KIF14: variants seen among roughly 807,000 people sequenced by gnomAD.
KIF14 encodes kinesin family member 14.
KIF14 carries 98 observed loss-of-function variants against 176.2 expected under a neutral mutation model. The observed-to-expected ratio is 0.56, with a 90% CI of 0.47 to 0.66. KIF14 has a LOEUF of 0.66. Among genes scored for constraint, KIF14 ranks in the 30% least tolerant of loss-of-function variants. The pLI is 0.00. For missense variants in KIF14, 1,751 were observed against 1,920.4 expected (o/e 0.91, Z 1.65); for synonymous variants, 566 against 632.2 (o/e 0.90, Z 1.57).
Position 200,620,533 on chromosome 1 carries a change from G to GA in KIF14, c.-239_-238insT, listed in dbSNP as rs1660632068. ...GCGCCCTTCGTTCGGGGACCCCTTC[G>GA]CCGCCGACCTGGAATGCTGAGGAAC... On this transcript the variant is annotated 5_prime_UTR_variant, in exon 1 of 30. Coordinates refer to ENST00000367350, the MANE Select transcript of KIF14 (RefSeq NM_014875.3). 1 of 152,316 alleles carries GA rather than the reference G, an allele frequency of 6.6e-6. No individual in the cohort carries two copies. The highest frequency in any genetic ancestry group is 2.4e-5 in the African/African-American group (1 of 41,458). 9.4% of individuals were successfully genotyped at this position (152,316 alleles called of 1,614,324 possible). A position where few individuals can be genotyped will look rare whatever the true frequency, so the allele number is the denominator to read the frequency against.
At position 200,553,553 on chromosome 1, in the gene KIF14, C is replaced by G. The variant is rs764577786; in HGVS notation, c.4782G>C (p.Trp1594Cys). 183 of 1,613,764 alleles carry G rather than the reference C, an allele frequency of 1.1e-4. 3 individuals are homozygous for G. The South Asian group carries it at 2.0e-3, about 17-fold the overall frequency. ...CTTTGGTATTTTGATTATAAGTTTC[C>G]CAGGGTTTCAACAAATCAGGGCTTT... ...SEESPDLLKP[W>C]ETYNQNTKEE... The change falls in exon 30 of 30, where the codon TGG (tryptophan) becomes TGC (cysteine). Residue 1594 changes from tryptophan (W) to cysteine (C), a missense_variant. By Grantham distance (215) the Trp-to-Cys change is radical. Coordinates refer to ENST00000367350, the MANE Select transcript of KIF14 (RefSeq NM_014875.3).
At chr1:200,583,149 A>G (rs985035191) in intron 19 of KIF14, among the ~76,000 whole-genome samples, 2 of 152,198 alleles carry the variant, frequency 1.3e-5, no homozygotes, top group African/African-American at 2.4e-5. Flanking sequence ...ACAGATTAAA[A>G]GAGACTTAAA....
chr1:200,613,188 T>A (rs1660245007), intron 4 of KIF14, among the ~76,000 whole-genome samples: 1 of 152,066 alleles, frequency 6.6e-6, no homozygotes, highest in Non-Finnish European at 1.5e-5. Context: ...GCACCCAGCC[T>A]CTAGTTTCTT....
At chr1:200,606,637 GT>G in intron 6 of KIF14, 108 bp downstream of exon 6, 2 of 939,878 alleles carry the variant, frequency 2.1e-6, no homozygotes, top group Non-Finnish European at 1.7e-6. Context: ...GTTACCCAGG[GT>G]TTCAAAGTTA....
At chr1:200,602,806 C>T (rs1438227125) in intron 10 of KIF14, among the ~76,000 whole-genome samples, 2 of 152,154 alleles carry the variant, frequency 1.3e-5, no homozygotes, top group Non-Finnish European at 2.9e-5. Flanking sequence ...GTGTAGTAAG[C>T]AAACAAAATT....
At chr1:200,616,187 C>A (rs953049921) in intron 2 of KIF14, among the ~76,000 whole-genome samples, 2 of 152,090 alleles carry the variant, frequency 1.3e-5, no homozygotes, top group Admixed American at 6.6e-5. Flanking sequence ...TACAGAAAAA[C>A]ATCATCACTC....
chr1:200,615,436 G>A lies in KIF14; in HGVS notation c.1286C>T (p.Ala429Val), dbSNP rs763835682. ...SQTTVYEKLA[A>V]PLLERAFEGF... ...TTCGAAGGCTCTTTCTAGGAGTGGT[G>A]CTGCTAGCTTCTCATAGACAGTTGT... Residue 429 changes from alanine (A) to valine (V), a missense_variant, in exon 3 of 30, where the codon GCA becomes GTA. Physicochemically the swap from Ala to Val is moderately conservative, Grantham distance 64 (BLOSUM62 0). Coordinates refer to ENST00000367350, the MANE Select transcript of KIF14 (RefSeq NM_014875.3). The A allele has an allele frequency of 8.1e-6, 13 of 1,613,752 alleles. No individual in the cohort carries two copies. In the Admixed American group the frequency reaches 1.7e-4, roughly 21 times the overall value.
chr1:200,564,991 G>A, intron 25 of KIF14, 78 bp downstream of exon 25: 1 of 1,093,064 alleles, frequency 9.1e-7, no homozygotes, highest in African/African-American at 1.6e-5. Context: ...GCTAATTTTG[G>A]GGAAGATATA....
chr1:200,601,943 A>G lies in KIF14; in HGVS notation c.2105T>C (p.Val702Ala). 1.2e-6 allele frequency: 2 copies of G among 1,613,282 alleles called. No homozygotes were observed. The highest frequency in any genetic ancestry group is 1.7e-6 in the Non-Finnish European group (2 of 1,179,568). Residue 702 changes from valine to alanine, a missense_variant, in exon 11 of 30, where the codon GTC (valine) becomes GCC (alanine). By Grantham distance (64) the Val-to-Ala change is moderately conservative. Transcript: ENST00000367350. ...ATCTTCATTTACTTTAGCAATGTTG[A>G]CTATTAAACGGGCTTGGTTAGCATA... Reference protein sequence around the residue: ...LRYANQARLIVNIAKVNEDMN... With the variant: ...LRYANQARLIANIAKVNEDMN...
intron 22 of KIF14, among the ~76,000 whole-genome samples, chr1:200,571,487 A>G (rs1044330207): frequency 1.3e-5 from 2 of 152,140 alleles, no homozygotes; most frequent in African/African-American, 4.8e-5. Context: ...TTCTAAACCC[A>G]AACTCCAATT....
chr1:200,574,937 A>ATTTTTTTTTTTTTTT (rs35584654), intron 22 of KIF14, among the ~76,000 whole-genome samples: 2 of 110,682 alleles, frequency 1.8e-5, no homozygotes, highest in Non-Finnish European at 3.5e-5. Flanking sequence ...AGAAAGGGTA[A>ATTTTTTTTTTTTTTT]TTTTTTTTTT....
Position 200,577,155 on chromosome 1 carries a change from CA to C in KIF14, c.3466-1465del, listed in dbSNP as rs35218358. Among the ~76,000 whole-genome samples the C allele has an allele frequency of 4.5e-3, 625 of 137,652 alleles. 2 individuals carry two copies. The highest frequency in any genetic ancestry group is 0.012 in the African/African-American group (431 of 37,376). The allele number at this position is 137,652 out of a possible 152,430, so 90.3% of individuals were successfully genotyped here. On this transcript the variant is annotated intron_variant, in intron 21 of 29. Transcript: ENST00000367350. ...TAAAATCCCGACTCTACTAAAAATA[CA>C]AAAAAAAAAAAAAAAAAATTAGCTG...
At chr1:200,580,533 A>G in intron 20 of KIF14, 150 bp from the exon 21 acceptor site, 1 of 378,546 alleles carries the variant, frequency 2.6e-6, no homozygotes. Context: ...AGTAATAATC[A>G]TATAAGTATA....
intron 23 of KIF14, among the ~76,000 whole-genome samples, chr1:200,566,323 T>C (rs1257347238): frequency 6.6e-6 from 1 of 151,384 alleles, no homozygotes; most frequent in African/African-American, 2.4e-5. Flanking sequence ...CCAGGCACGG[T>C]GGCTCATGCC....
chr1:200,573,799 A>G (rs1657957696), intron 22 of KIF14, among the ~76,000 whole-genome samples: 1 of 152,240 alleles, frequency 6.6e-6, no homozygotes, highest in African/African-American at 2.4e-5. Context: ...CAAGTCAAAA[A>G]CAAGGCTATA....
Position 200,617,915 on chromosome 1 carries a change from A to G in KIF14, c.809T>C (p.Phe270Ser), listed in dbSNP as rs1482139648. 5 of 1,613,916 alleles carry G rather than the reference A, an allele frequency of 3.1e-6. No individual in the cohort carries two copies. Among genetic ancestry groups the G allele is most frequent in the Non-Finnish European group, 4.2e-6 (5 of 1,179,976 alleles). The stretch of plus-strand genomic sequence containing the variant: ...AGGTGTTCTTTTTTCTAAGCTCCCA[A>G]ATTTATTTGAAGTTTTTGCAATTTC... ...GKEIAKTSNK[F>S]GSLEKRTPTK... Residue 270 changes from phenylalanine (F) to serine (S), a missense_variant, in exon 2 of 30, where the codon TTT (phenylalanine) becomes TCT (serine). Phe to Ser is a radical substitution (Grantham distance 155). Transcript: ENST00000367350.
At chr1:200,599,974 A>G in intron 13 of KIF14, 76 bp downstream of exon 13, 2 of 829,398 alleles carry the variant, frequency 2.4e-6, no homozygotes, top group Non-Finnish European at 4.0e-6. Context: ...ATTTACATGC[A>G]TTGGCATATT....
chr1:200,575,820 A>G lies in KIF14; in HGVS notation c.3466-129T>C, dbSNP rs1658072034. Reference sequence around the variant, plus strand: ...TTAGCAGATTATATATTATCTGATAAGTCTAAAAAATCATTCCTGATCAAA... The same window carrying G: ...TTAGCAGATTATATATTATCTGATAGGTCTAAAAAATCATTCCTGATCAAA... On this transcript the variant is annotated intron_variant, in intron 21 of 29. Transcript: ENST00000367350. 10 of 438,454 alleles carry G rather than the reference A, an allele frequency of 2.3e-5. No individual in the cohort carries two copies. The South Asian group carries it at 6.1e-4, about 27-fold the overall frequency. 27.2% of individuals were successfully genotyped at this position (438,454 alleles called of 1,614,324 possible). A position where few individuals can be genotyped will look rare whatever the true frequency, so the allele number is the denominator to read the frequency against.
chr1:200,609,479 C>T (rs186258741), intron 4 of KIF14, among the ~76,000 whole-genome samples: 79 of 152,126 alleles, frequency 5.2e-4, no homozygotes, highest in Non-Finnish European at 8.8e-4. Flanking sequence ...TGAAACCACA[C>T]CTCTACTAAA....
Sources: allele counts gnomAD v4.1 joint callset (sites outside exome capture counted in the v4.1 genomes callset), GRCh38; gene constraint gnomAD v4.1.1; transcripts MANE v1.5; gene names NCBI Gene and HGNC (gene_info 2026-07-23, HGNC 2026-07-21).